Variants in MGAT4C observed in about 807,000 individuals in gnomAD.
MGAT4C encodes the protein MGAT4 family member C.
A neutral mutation model predicts 40.1 loss-of-function variants in MGAT4C; 19 were observed. The observed-to-expected ratio is 0.47, with a 90% confidence interval of 0.33 to 0.70. The LOEUF (loss-of-function observed/expected upper bound fraction) is 0.70. Ranked by LOEUF, MGAT4C falls within the 30% of genes least tolerant of loss-of-function variation. The probability of loss-of-function intolerance (pLI) is 0.02; values close to 1 mark genes in which losing one functional copy is unlikely to be tolerated. For missense variants in MGAT4C, 491 were observed against 563.2 expected (o/e 0.87, Z 1.30); for synonymous variants, 181 against 187.1 (o/e 0.97, Z 0.27).
chr12:86,652,139 T>C (rs945691710), intron 2 of MGAT4C, among the ~76,000 whole-genome samples: 7 of 151,886 alleles, frequency 4.6e-5, no homozygotes, highest in African/African-American at 9.7e-5. Context: ...CTCCAGAACA[T>C]TATCTTTCAA....
At chr12:86,820,206 T>C (rs1182541891) in intron 1 of MGAT4C, among the ~76,000 whole-genome samples, 4 of 150,828 alleles carry the variant, frequency 2.7e-5, no homozygotes, top group African/African-American at 4.8e-5. Context: ...TTTATTATAA[T>C]GGGCAATTTT....
rs12298649 is a variant in MGAT4C, at chr12:86,448,687, T to A, written c.-228-13422A>T. On this transcript the variant is annotated intron_variant, in intron 2 of 7. Coordinates refer to the MGAT4C transcript ENST00000548651. Reference sequence around the variant, plus strand: ...ATCTCAGCAAAAAACTAAGCTAACATCAATATTTTCTTCTAAGATTGACAA... The same window carrying A: ...ATCTCAGCAAAAAACTAAGCTAACAACAATATTTTCTTCTAAGATTGACAA... Among the ~76,000 whole-genome samples, 1,153 of 152,230 alleles carry A rather than the reference T, an allele frequency of 7.6e-3. 15 individuals are homozygous for A. Among genetic ancestry groups the A allele is most frequent in the African/African-American group, 0.025 (1,053 of 41,540 alleles).
intron 1 of MGAT4C, among the ~76,000 whole-genome samples, chr12:86,836,653 T>G (rs982474493): frequency 1.3e-5 from 2 of 152,074 alleles, no homozygotes; most frequent in Non-Finnish European, 2.9e-5. Flanking sequence ...AGAATGTTAA[T>G]AAGAGGTCAG....
intron 3 of MGAT4C, among the ~76,000 whole-genome samples, chr12:86,405,386 G>T (rs770401137): frequency 1.3e-5 from 2 of 151,822 alleles, no homozygotes; most frequent in Non-Finnish European, 2.9e-5. Context: ...ATACCACTTA[G>T]AAACAGTCAT....
chr12:86,498,298 A>G (rs1235756956), intron 2 of MGAT4C, among the ~76,000 whole-genome samples: 1 of 151,668 alleles, frequency 6.6e-6, no homozygotes. Context: ...CAGAGGTTTG[A>G]ACTATGTAGG....
intron 1 of MGAT4C, among the ~76,000 whole-genome samples, chr12:86,834,007 C>G (rs955151595): frequency 3.3e-5 from 5 of 151,748 alleles, no homozygotes; most frequent in African/African-American, 1.2e-4. Flanking sequence ...GACCAAATTT[C>G]TTTCTTTTTT....
At chr12:86,685,085 G>C (rs1428101521) in intron 2 of MGAT4C, among the ~76,000 whole-genome samples, 1 of 152,028 alleles carries the variant, frequency 6.6e-6, no homozygotes, top group Non-Finnish European at 1.5e-5. Context: ...ATTGCTTTTG[G>C]TGTTTTAGTC....
At chr12:86,477,951 G>A (rs1475991004) in intron 2 of MGAT4C, among the ~76,000 whole-genome samples, 3 of 152,004 alleles carry the variant, frequency 2.0e-5, no homozygotes, top group African/African-American at 4.8e-5. Flanking sequence ...AACTAACTTG[G>A]ACTTACAAAT....
At chr12:86,792,397 C>T (rs563256014) in intron 1 of MGAT4C, among the ~76,000 whole-genome samples, 2 of 152,174 alleles carry the variant, frequency 1.3e-5, no homozygotes, top group East Asian at 3.9e-4. Flanking sequence ...GCCAATACAC[C>T]TTAGCCTTTA....
chr12:86,693,600 C>A (rs889617028), intron 2 of MGAT4C, among the ~76,000 whole-genome samples: 2 of 151,998 alleles, frequency 1.3e-5, no homozygotes, highest in Admixed American at 6.6e-5. Flanking sequence ...AGAGAATAAA[C>A]AAGTTATTCT....
At chr12:86,079,646 C>T (rs894047748) in intron 1 of MGAT4C, among the ~76,000 whole-genome samples, 1 of 151,842 alleles carries the variant, frequency 6.6e-6, no homozygotes, top group Non-Finnish European at 1.5e-5. Context: ...GAAAATTACC[C>T]TGAAAACATT....
chr12:86,582,306 A>T (rs1484202620), intron 2 of MGAT4C, among the ~76,000 whole-genome samples: 1 of 151,318 alleles, frequency 6.6e-6, no homozygotes, highest in Admixed American at 6.6e-5. Flanking sequence ...TGAAATGATG[A>T]GTACCTCCTT....
At chr12:85,993,715 T>G (rs1886261479) in intron 2 of MGAT4C, among the ~76,000 whole-genome samples, 1 of 152,062 alleles carries the variant, frequency 6.6e-6, no homozygotes, top group African/African-American at 2.4e-5. Context: ...CACCTCAGTA[T>G]TTTGCAGTGG....
At chr12:86,678,624 C>T (rs1347794541) in intron 2 of MGAT4C, among the ~76,000 whole-genome samples, 1 of 147,290 alleles carries the variant, frequency 6.8e-6, no homozygotes, top group Non-Finnish European at 1.5e-5. Flanking sequence ...GTTCCCCTTC[C>T]TGTGTCCATG....
At chr12:86,832,260 A>G (rs1952943711) in intron 1 of MGAT4C, among the ~76,000 whole-genome samples, 1 of 151,850 alleles carries the variant, frequency 6.6e-6, no homozygotes, top group South Asian at 2.1e-4. Context: ...TAGAATATTT[A>G]TAACTATTTG....
intron 1 of MGAT4C, among the ~76,000 whole-genome samples, chr12:86,059,765 G>A (rs1043823515): frequency 6.6e-6 from 1 of 152,142 alleles, no homozygotes; most frequent in African/African-American, 2.4e-5. Flanking sequence ...CCCTTTGGTT[G>A]TTGCTCCTTT....
At chr12:86,807,006 A>G (rs1204125301) in intron 1 of MGAT4C, among the ~76,000 whole-genome samples, 1 of 137,872 alleles carries the variant, frequency 7.3e-6, no homozygotes, top group Non-Finnish European at 1.6e-5. Flanking sequence ...AAGGTAAAAT[A>G]AAAAGTATAT....
In MGAT4C at chr12:86,478,056, T is replaced by C. The variant is rs139959525; in HGVS notation, c.-228-42791A>G. ...TGTTTATAATTTTATTTTCTGTGGA[T>C]TTTATAAGGCACTACAAGATCACTG... On this transcript the variant is annotated intron_variant, in intron 2 of 7. Coordinates refer to the MGAT4C transcript ENST00000548651. Among the ~76,000 whole-genome samples the C allele has an allele frequency of 1.2e-3, 178 of 152,294 alleles. 2 individuals carry two copies. Among genetic ancestry groups the C allele is most frequent in the Middle Eastern group, 0.01 (3 of 294 alleles).
chr12:86,093,265 C>T (rs542457781), intron 1 of MGAT4C, among the ~76,000 whole-genome samples: 4 of 152,236 alleles, frequency 2.6e-5, no homozygotes, highest in Admixed American at 2.6e-4. Flanking sequence ...CTGACTCTTT[C>T]CACTCTGACA....
Sources: allele counts gnomAD v4.1 joint callset (sites outside exome capture counted in the v4.1 genomes callset), GRCh38; gene constraint gnomAD v4.1.1; transcripts MANE v1.5; gene names NCBI Gene and HGNC (gene_info 2026-07-23, HGNC 2026-07-21).